Variants in KIRREL1 observed in about 807,000 individuals in gnomAD.
KIRREL1 encodes the protein kin of IRRE-like protein 1.
A neutral mutation model predicts 83.3 loss-of-function variants in KIRREL1; 25 were observed. That is an observed-to-expected ratio of 0.30 (90% CI 0.22 to 0.42). The LOEUF is 0.42. KIRREL1 is among the 10% of genes least tolerant of loss of function. The pLI, the probability that KIRREL1 is intolerant of heterozygous loss-of-function variation, is 1.00. For missense variants in KIRREL1, 812 were observed against 1,032.3 expected (o/e 0.79, Z 2.92); for synonymous variants, 388 against 410.4 (o/e 0.95, Z 0.66).
intron 1 of KIRREL1, among the ~76,000 whole-genome samples, chr1:158,075,417 C>G (rs1291581501): frequency 1.3e-5 from 2 of 152,184 alleles, no homozygotes; most frequent in Non-Finnish European, 2.9e-5. Context: ...ACTTAGGCCC[C>G]CCTGCACTTG....
At chr1:158,003,574 A>C (rs1218637313) in intron 1 of KIRREL1, among the ~76,000 whole-genome samples, 2 of 151,782 alleles carry the variant, frequency 1.3e-5, no homozygotes, top group African/African-American at 2.4e-5. Flanking sequence ...TGACCCTCCC[A>C]CACACACACA....
At chr1:158,038,813 G>A (rs1350602730) in intron 1 of KIRREL1, among the ~76,000 whole-genome samples, 1 of 152,158 alleles carries the variant, frequency 6.6e-6, no homozygotes, top group Non-Finnish European at 1.5e-5. Context: ...TTTTGTTCAC[G>A]GCTGTAACTT....
intron 1 of KIRREL1, among the ~76,000 whole-genome samples, chr1:158,010,396 TAC>T (rs56077512): frequency 0.071 from 3,159 of 44,318 alleles, 75 homozygotes; most frequent in Middle Eastern, 0.092. Context: ...CACACATGCA[TAC>T]ACACACACAC....
chr1:158,086,423 AACAC>A (rs61585802), intron 4 of KIRREL1, among the ~76,000 whole-genome samples, 169 bp from the exon 5 acceptor site: 5,338 of 148,362 alleles, frequency 0.036, 298 homozygotes, highest in African/African-American at 0.12. Context: ...CTATTGATTA[AACAC>A]ACACACACAC....
chr1:158,068,278 C>T (rs190554417), intron 1 of KIRREL1, among the ~76,000 whole-genome samples: 26 of 152,264 alleles, frequency 1.7e-4, no homozygotes, highest in Admixed American at 1.4e-3. Context: ...TCTCTCTCTT[C>T]GTCTGATGTC....
At chr1:158,072,670 AG>A (rs1301906911) in intron 1 of KIRREL1, among the ~76,000 whole-genome samples, 1 of 151,972 alleles carries the variant, frequency 6.6e-6, no homozygotes, top group Non-Finnish European at 1.5e-5. Flanking sequence ...CAGTGAGAGG[AG>A]GAACAATGCT....
chr1:158,034,935 A>T (rs1014866917), intron 1 of KIRREL1, among the ~76,000 whole-genome samples: 9 of 152,134 alleles, frequency 5.9e-5, no homozygotes, highest in African/African-American at 1.7e-4. Context: ...TAGAAAAAAA[A>T]TTTTTAAATT....
chr1:158,093,859 C>T, intron 13 of KIRREL1, 97 bp downstream of exon 13: 1 of 1,313,152 alleles, frequency 7.6e-7, no homozygotes, highest in Non-Finnish European at 1.1e-6. Flanking sequence ...TCTCTCCTTC[C>T]TCAGTCGGTC....
At position 158,096,784 on chromosome 1, in the gene KIRREL1, G is replaced by A; in HGVS notation, c.*1664G>A. On this transcript the variant is annotated 3_prime_UTR_variant, in exon 15 of 15. Coordinates refer to ENST00000359209, the MANE Select transcript of KIRREL1 (RefSeq NM_018240.7). The stretch of plus-strand genomic sequence containing the variant: ...TCGCCTTCCTAAAAAGCAGTGTCTG[G>A]AGTTGGCTGTTTCCCGCCTCCCCAG... 1 of 456,706 alleles carries A rather than the reference G, an allele frequency of 2.2e-6. No homozygotes were observed. The highest frequency in any genetic ancestry group is 4.4e-6 in the Non-Finnish European group (1 of 226,968). 28.3% of individuals were successfully genotyped at this position (456,706 alleles called of 1,614,324 possible).
At chr1:158,034,641 T>C (rs560276180) in intron 1 of KIRREL1, among the ~76,000 whole-genome samples, 1 of 152,248 alleles carries the variant, frequency 6.6e-6, no homozygotes, top group African/African-American at 2.4e-5. Flanking sequence ...CTGAGTTTTT[T>C]GTGGCTGAAG....
intron 1 of KIRREL1, among the ~76,000 whole-genome samples, chr1:158,053,241 T>TC (rs1449800816): frequency 3.9e-5 from 6 of 152,076 alleles, no homozygotes; most frequent in African/African-American, 1.4e-4. Flanking sequence ...CCTGTCTCCA[T>TC]CCCCCAGTAC....
Position 158,093,449 on chromosome 1 carries a change from G to A in KIRREL1, c.1579+3G>A, listed in dbSNP as rs780925116. On this transcript the variant is annotated splice_donor_region_variant and intron_variant, in intron 12 of 14. Transcript: ENST00000359209. ...CCTCTACCGGCGCCGCAAAGGCAGT[G>A]AGTATGGGCCCTGTGCAGCCCACAG... 2 of 1,613,786 alleles carry A rather than the reference G, an allele frequency of 1.2e-6. No homozygotes were observed. Among genetic ancestry groups the A allele is most frequent in the South Asian group, 2.2e-5 (2 of 91,074 alleles).
At chr1:158,086,777 A>C in intron 5 of KIRREL1, 31 bp downstream of exon 5, 5 of 1,416,676 alleles carry the variant, frequency 3.5e-6, no homozygotes, top group Non-Finnish European at 4.9e-6. Flanking sequence ...AGTCTGGAGC[A>C]GGGGGGTGGA....
At chr1:158,049,030 G>A (rs952377566) in intron 1 of KIRREL1, among the ~76,000 whole-genome samples, 1 of 152,158 alleles carries the variant, frequency 6.6e-6, no homozygotes, top group Non-Finnish European at 1.5e-5. Context: ...GGAAGAGGGA[G>A]CATTTGGGTT....
chr1:158,002,346 C>T (rs1024571403), intron 1 of KIRREL1, among the ~76,000 whole-genome samples: 3 of 152,176 alleles, frequency 2.0e-5, no homozygotes, highest in African/African-American at 7.2e-5. Context: ...ATCAGAGGGC[C>T]CATCCGGGTT....
At chr1:158,049,870 G>C (rs548853755) in intron 1 of KIRREL1, among the ~76,000 whole-genome samples, 1 of 152,246 alleles carries the variant, frequency 6.6e-6, no homozygotes, top group Admixed American at 6.5e-5. Context: ...TGAGCAGAAA[G>C]ACTACAGAAA....
intron 8 of KIRREL1, 53 bp downstream of exon 8, chr1:158,088,507 C>T (rs1249776608): frequency 1.9e-4 from 238 of 1,231,990 alleles, no homozygotes; most frequent in Non-Finnish European, 2.3e-4. Flanking sequence ...TTTTTTGAGA[C>T]GGAGTCTCGC....
At chr1:158,029,576 C>G (rs1424654756) in intron 1 of KIRREL1, among the ~76,000 whole-genome samples, 2 of 152,256 alleles carry the variant, frequency 1.3e-5, no homozygotes, top group Non-Finnish European at 2.9e-5. Flanking sequence ...GAAATTTATT[C>G]TCCTCCGATG....
In KIRREL1 at chr1:158,038,188, T is replaced by A. The variant is rs568652164; in HGVS notation, c.53-37925T>A. Reference sequence around the variant, plus strand: ...GGTGACTCCATCCGTTCTCCTCATGTGTGAGCTGAGTCCTGTGCATTCATC... The same window carrying A: ...GGTGACTCCATCCGTTCTCCTCATGAGTGAGCTGAGTCCTGTGCATTCATC... On this transcript the variant is annotated intron_variant, in intron 1 of 14. Coordinates refer to ENST00000359209, the MANE Select transcript of KIRREL1 (RefSeq NM_018240.7). Among the ~76,000 whole-genome samples the A allele has an allele frequency of 1.8e-3, 277 of 152,366 alleles. 1 individual carries two copies. In the Middle Eastern group the frequency reaches 0.044, roughly 24 times the overall value.
Sources: allele counts gnomAD v4.1 joint callset (sites outside exome capture counted in the v4.1 genomes callset), GRCh38; gene constraint gnomAD v4.1.1; transcripts MANE v1.5; gene names NCBI Gene and HGNC (gene_info 2026-07-23, HGNC 2026-07-21).